Variants in DIXDC1 observed in about 807,000 individuals in gnomAD.
DIXDC1 encodes DIX domain containing 1, also known as dixin.
A neutral mutation model predicts 103.1 loss-of-function variants in DIXDC1; 64 were observed. That is an observed-to-expected ratio of 0.62 (90% CI 0.51 to 0.76). The LOEUF (loss-of-function observed/expected upper bound fraction) is 0.76, where lower values mean the gene tolerates loss of function less well. Ranked by LOEUF, DIXDC1 falls within the 30% of genes least tolerant of loss-of-function variation. DIXDC1 has a pLI of 0.00. For missense variants in DIXDC1, 759 were observed against 834.2 expected (o/e 0.91, Z 1.11); for synonymous variants, 266 against 298.5 (o/e 0.89, Z 1.12).
chr11:111,974,401 C>T (rs1860032168), intron 4 of DIXDC1, 147 bp downstream of exon 4: 2 of 716,394 alleles, frequency 2.8e-6, no homozygotes, highest in South Asian at 2.1e-5. Flanking sequence ...GGAGGGCACT[C>T]TCAAAAGAGA....
At chr11:111,941,878 G>A (rs1202414555) in intron 1 of DIXDC1, among the ~76,000 whole-genome samples, 2 of 127,310 alleles carry the variant, frequency 1.6e-5, no homozygotes, top group African/African-American at 3.1e-5. Context: ...ACACACCCAC[G>A]AAGAGTTTTA....
Position 111,939,299 on chromosome 11 carries a change from G to A in DIXDC1, c.60+1740G>A, listed in dbSNP as rs10082686. Among the ~76,000 whole-genome samples the A allele has an allele frequency of 4.4e-3, 674 of 152,272 alleles. 3 individuals carry two copies. Among genetic ancestry groups the A allele is most frequent in the African/African-American group, 0.015 (640 of 41,548 alleles). On this transcript the variant is annotated intron_variant, in intron 1 of 19. Transcript: ENST00000440460. The stretch of plus-strand genomic sequence containing the variant: ...GCTTGGCCGTGTGTTTCATGCTTTG[G>A]TGCTTCCATAAATATCCCCTGACCT...
intron 12 of DIXDC1, 91 bp from the exon 13 acceptor site, chr11:111,993,405 A>G: frequency 2.9e-6 from 4 of 1,394,242 alleles, no homozygotes; most frequent in Non-Finnish European, 1.0e-6. Flanking sequence ...CTGAGGCTCT[A>G]CTTTACTTGA....
upstream of DIXDC1, among the ~76,000 whole-genome samples, chr11:111,936,845 A>AGTATGT (rs1401003819): frequency 5.7e-5 from 8 of 140,852 alleles, no homozygotes; most frequent in African/African-American, 2.1e-4. Flanking sequence ...TTAAGTTAGC[A>AGTATGT]GTGTGTGTGT....
At chr11:111,938,632 C>T (rs782729096) in intron 1 of DIXDC1, among the ~76,000 whole-genome samples, 7 of 152,144 alleles carry the variant, frequency 4.6e-5, no homozygotes, top group African/African-American at 2.4e-5. Context: ...CTCATGAATT[C>T]GTGTATAAGA....
upstream of DIXDC1, among the ~76,000 whole-genome samples, chr11:111,936,570 G>C (rs140919391): frequency 1.2e-3 from 176 of 152,300 alleles, 1 homozygote; most frequent in African/African-American, 3.8e-3. Context: ...TGATGTTTCT[G>C]TTGCGATCCT....
chr11:111,944,948 A>C (rs1421362643), intron 1 of DIXDC1, among the ~76,000 whole-genome samples: 1 of 152,250 alleles, frequency 6.6e-6, no homozygotes, highest in Non-Finnish European at 1.5e-5. Context: ...ACTGTTACAC[A>C]CGTAGTATGT....
At chr11:112,018,630 A>C (rs1324240042) in intron 19 of DIXDC1, among the ~76,000 whole-genome samples, 1 of 152,308 alleles carries the variant, frequency 6.6e-6, no homozygotes, top group East Asian at 1.9e-4. Context: ...CTGGTAACTA[A>C]ATTTTCCACT....
chr11:112,013,886 A>C lies in DIXDC1; in HGVS notation c.1757-2805A>C, dbSNP rs1425947519. 2.6e-5 allele frequency among the ~76,000 whole-genome samples: 4 copies of C among 152,264 alleles called. No individual in the cohort carries two copies. The East Asian group carries it at 7.7e-4, about 29-fold the overall frequency. Reference sequence around the variant, plus strand: ...GCTGGAAAGTTGGGCATCTGGTGAAAGCCTCAATCGGCTTTCACTCACGGC... The same window carrying C: ...GCTGGAAAGTTGGGCATCTGGTGAACGCCTCAATCGGCTTTCACTCACGGC... On this transcript the variant is annotated intron_variant, in intron 17 of 19. Transcript: ENST00000440460.
At chr11:112,010,670 T>C (rs1438717092) in intron 17 of DIXDC1, among the ~76,000 whole-genome samples, 3 of 152,224 alleles carry the variant, frequency 2.0e-5, no homozygotes, top group African/African-American at 7.2e-5. Context: ...CATCTGATCT[T>C]TGACAAACCT....
chr11:111,975,537 TAC>T, intron 5 of DIXDC1: 1 of 987,936 alleles, frequency 1.0e-6, no homozygotes, highest in Non-Finnish European at 1.2e-6. Context: ...TAGAGCCAAG[TAC>T]AGAGACCAAA....
intron 17 of DIXDC1, among the ~76,000 whole-genome samples, chr11:112,007,764 TTCTG>T (rs1192057733): frequency 4.3e-4 from 66 of 152,218 alleles, no homozygotes; most frequent in African/African-American, 1.5e-3. Context: ...TGCTAAGAGA[TTCTG>T]TCACCACCAG....
rs61541869 is a variant in DIXDC1, at chr11:111,950,439, T to TATATATATATATATA, written c.60+12880_60+12881insATATATATATATATA. 6.9e-3 allele frequency among the ~76,000 whole-genome samples: 65 copies of TATATATATATATATA among 9,438 alleles called. 1 individual carries two copies. Among genetic ancestry groups the TATATATATATATATA allele is most frequent in the South Asian group, 0.014 (2 of 144 alleles). 6.2% of individuals were successfully genotyped at this position (9,438 alleles called of 152,430 possible). On this transcript the variant is annotated intron_variant, in intron 1 of 19. Transcript: ENST00000440460. ...ATATATATATATATATATATATATA[T>TATATATATATATATA]TTTTTTTTTTTTTTTTTTTTTTTTT...
At chr11:112,018,671 C>G (rs74373890) in intron 19 of DIXDC1, among the ~76,000 whole-genome samples, 4,494 of 152,280 alleles carry the variant, frequency 0.03, 85 homozygotes, top group Non-Finnish European at 0.04. Context: ...AACACTACAT[C>G]TTTCCTCTAA....
At chr11:111,927,328 GC>G in exon 1 of DIXDC1, 1 of 152,412 alleles carries the variant, frequency 6.6e-6, no homozygotes, top group African/African-American at 2.4e-5. Flanking sequence ...GCACTGGCAG[GC>G]CGAGCTCAGG....
At position 111,993,552 on chromosome 11, in the gene DIXDC1, A is replaced by G. The variant is rs1028429793; in HGVS notation, c.1329A>G (p.Glu443=). 6.2e-7 allele frequency: 1 copy of G among 1,614,028 alleles called. No homozygotes were observed. The highest frequency in any genetic ancestry group is 8.5e-7 in the Non-Finnish European group (1 of 1,179,896). Residue 443 remains glutamate (E), a synonymous_variant, in exon 13 of 20, where the codon GAA becomes GAG. Coordinates refer to ENST00000440460, the MANE Select transcript of DIXDC1 (RefSeq NM_001037954.4). Reference sequence around the variant, plus strand: ...AGCAGCACCAGGCCAAGTTAGAAGAAGCACTCCGGAAACTCTCTGATGTCA... The same window carrying G: ...AGCAGCACCAGGCCAAGTTAGAAGAGGCACTCCGGAAACTCTCTGATGTCA... ...LLQQHQAKLE[E]ALRKLSDVSY...
chr11:112,020,114 G>C lies in DIXDC1; in HGVS notation c.*1078G>C, dbSNP rs587771464. 9 of 152,294 alleles carry C rather than the reference G, an allele frequency of 5.9e-5. No individual in the cohort carries two copies. The South Asian group carries it at 1.9e-3, about 32-fold the overall frequency. The allele number at this position is 152,294 out of a possible 1,614,324, so 9.4% of individuals were successfully genotyped here. A position where few individuals can be genotyped will look rare whatever the true frequency, so the allele number is the denominator to read the frequency against. The stretch of plus-strand genomic sequence containing the variant: ...TGGAGCATGAGTTGTGAATGGCAGG[G>C]ATCATTCTGGGTAAAAAAAACCTAG... On this transcript the variant is annotated 3_prime_UTR_variant, in exon 20 of 20. Transcript: ENST00000440460.
At chr11:112,007,135 A>G (rs776368677) in intron 17 of DIXDC1, among the ~76,000 whole-genome samples, 4 of 152,214 alleles carry the variant, frequency 2.6e-5, no homozygotes, top group Non-Finnish European at 5.9e-5. Flanking sequence ...GCTGAAAACC[A>G]TGGCATGAGA....
chr11:111,989,362 C>G (rs990354283), intron 10 of DIXDC1, among the ~76,000 whole-genome samples: 1 of 152,124 alleles, frequency 6.6e-6, no homozygotes, highest in Admixed American at 6.5e-5. Context: ...CGGTGGCTCA[C>G]GCCTGTAATC....
Sources: allele counts gnomAD v4.1 joint callset (sites outside exome capture counted in the v4.1 genomes callset), GRCh38; gene constraint gnomAD v4.1.1; transcripts MANE v1.5; gene names NCBI Gene and HGNC (gene_info 2026-07-23, HGNC 2026-07-21).